The following CDKAL1 variants were observed in gnomAD, a reference collection of about 807,000 sequenced individuals.
CDKAL1 encodes CDKAL1 threonylcarbamoyladenosine tRNA methylthiotransferase.
Under a neutral mutation model 68.2 loss-of-function variants are expected in CDKAL1, and 32 were observed. That is an observed-to-expected ratio of 0.47 (90% CI 0.35 to 0.63). The LOEUF is 0.63. Ranked by LOEUF, CDKAL1 falls within the 30% of genes least tolerant of loss-of-function variation. CDKAL1 has a pLI of 0.00. For synonymous variants in CDKAL1, 234 were observed against 244.3 expected (o/e 0.96, Z 0.39); for missense variants, 606 against 696.7 (o/e 0.87, Z 1.47).
In CDKAL1 at chr6:21,232,003, G is replaced by GTTTTGTTTTTT. The variant is rs1779993397; in HGVS notation, c.*968_*969insGTTTTTTTTTT. 3 of 76,102 alleles carry GTTTTGTTTTTT rather than the reference G, an allele frequency of 3.9e-5. No homozygotes were observed. Among genetic ancestry groups the GTTTTGTTTTTT allele is most frequent in the Non-Finnish European group, 9.4e-5 (3 of 31,902 alleles). 4.7% of individuals were successfully genotyped at this position (76,102 alleles called of 1,614,324 possible). On this transcript the variant is annotated 3_prime_UTR_variant, in exon 16 of 16. Coordinates refer to ENST00000274695, the MANE Select transcript of CDKAL1 (RefSeq NM_017774.3). ...TTTGATCCATTGGGGTTTTTTTTTT[G>GTTTTGTTTTTT]TTTTTGTTTTTTTTTTTTTTTGAGT... is the stretch of plus-strand genomic sequence containing the variant.
chr6:20,760,280 C>T (rs1774406806), intron 7 of CDKAL1, among the ~76,000 whole-genome samples: 1 of 152,050 alleles, frequency 6.6e-6, no homozygotes, highest in South Asian at 2.1e-4. Flanking sequence ...ATGCTTGGCC[C>T]TTAATCTTCT....
intron 13 of CDKAL1, among the ~76,000 whole-genome samples, chr6:21,127,380 T>C (rs1375387463): frequency 6.6e-6 from 1 of 152,224 alleles, no homozygotes; most frequent in Non-Finnish European, 1.5e-5. Flanking sequence ...ATTGTTTGAT[T>C]GAACCATGTT....
chr6:20,550,878 T>C (rs1359220260), intron 4 of CDKAL1, among the ~76,000 whole-genome samples: 1 of 142,374 alleles, frequency 7.0e-6, no homozygotes, highest in African/African-American at 2.6e-5. Context: ...TTTTTTTTTT[T>C]TTTTTTGAGA....
At chr6:20,975,972 G>A (rs1227909727) in intron 10 of CDKAL1, among the ~76,000 whole-genome samples, 1 of 152,022 alleles carries the variant, frequency 6.6e-6, no homozygotes, top group Non-Finnish European at 1.5e-5. Context: ...CGTACCCACC[G>A]TTATAGTATC....
intron 5 of CDKAL1, among the ~76,000 whole-genome samples, chr6:20,723,158 A>G (rs1266721885): frequency 1.3e-5 from 2 of 151,926 alleles, no homozygotes; most frequent in East Asian, 3.9e-4. Flanking sequence ...CTGTTAACCC[A>G]CCACTGTCCG....
intron 8 of CDKAL1, among the ~76,000 whole-genome samples, chr6:20,817,417 G>T (rs898380684): frequency 1.1e-4 from 16 of 152,062 alleles, no homozygotes; most frequent in Non-Finnish European, 1.8e-4. Context: ...GCCAATAAAA[G>T]TTCTTTATTT....
chr6:20,584,785 C>A (rs943495840), intron 4 of CDKAL1, among the ~76,000 whole-genome samples: 5 of 152,300 alleles, frequency 3.3e-5, no homozygotes, highest in Admixed American at 1.3e-4. Context: ...GTTATTTAGA[C>A]CTGCCGGATG....
intron 9 of CDKAL1, among the ~76,000 whole-genome samples, chr6:20,950,169 CTA>C (rs1561909482): frequency 6.6e-6 from 1 of 152,104 alleles, no homozygotes; most frequent in Non-Finnish European, 1.5e-5. Context: ...GTGGCCGGAG[CTA>C]TAGTGACTTC....
intron 4 of CDKAL1, among the ~76,000 whole-genome samples, chr6:20,574,476 C>G (rs904921874): frequency 1.3e-5 from 2 of 152,106 alleles, no homozygotes; most frequent in African/African-American, 2.4e-5. Flanking sequence ...ACTGTGATAT[C>G]CACTCCTTGG....
chr6:21,029,014 A>C (rs563475709), intron 11 of CDKAL1, among the ~76,000 whole-genome samples: 5 of 151,998 alleles, frequency 3.3e-5, no homozygotes, highest in Non-Finnish European at 7.4e-5. Context: ...CCTTACATCA[A>C]ACATCTAACT....
intron 5 of CDKAL1, among the ~76,000 whole-genome samples, chr6:20,674,447 T>A (rs965174507): frequency 6.6e-6 from 1 of 152,206 alleles, no homozygotes; most frequent in African/African-American, 2.4e-5. Flanking sequence ...TTTTTCTTTT[T>A]AAAAAATGGA....
intron 8 of CDKAL1, among the ~76,000 whole-genome samples, chr6:20,797,013 A>G (rs1225305653): frequency 6.6e-6 from 1 of 152,216 alleles, no homozygotes; most frequent in Non-Finnish European, 1.5e-5. Flanking sequence ...TATGATCTAT[A>G]AAAGGATAAA....
At chr6:21,124,805 T>C (rs1232060931) in intron 13 of CDKAL1, among the ~76,000 whole-genome samples, 1 of 152,026 alleles carries the variant, frequency 6.6e-6, no homozygotes, top group Non-Finnish European at 1.5e-5. Flanking sequence ...ATTCTCTCAC[T>C]GCTTTGATGG....
intron 12 of CDKAL1, among the ~76,000 whole-genome samples, chr6:21,078,294 G>T (rs909505997): frequency 6.6e-6 from 1 of 152,162 alleles, no homozygotes; most frequent in Non-Finnish European, 1.5e-5. Context: ...AGGGTTTGCT[G>T]TATCACTAGG....
chr6:21,109,033 C>G (rs977976174), intron 13 of CDKAL1, among the ~76,000 whole-genome samples: 1 of 152,172 alleles, frequency 6.6e-6, no homozygotes, highest in South Asian at 2.1e-4. Flanking sequence ...CTACCTTCTC[C>G]ATCCCTCATG....
At chr6:21,190,080 A>G (rs1283542974) in intron 13 of CDKAL1, among the ~76,000 whole-genome samples, 1 of 152,160 alleles carries the variant, frequency 6.6e-6, no homozygotes, top group African/African-American at 2.4e-5. Flanking sequence ...ATATTATTTC[A>G]GAGTTGAAGG....
At chr6:20,871,664 T>G (rs557941182) in intron 9 of CDKAL1, among the ~76,000 whole-genome samples, 2 of 152,160 alleles carry the variant, frequency 1.3e-5, no homozygotes, top group Non-Finnish European at 2.9e-5. Flanking sequence ...TCTTGGCCCT[T>G]GACCAAGACC....
At chr6:20,716,473 G>A (rs920458251) in intron 5 of CDKAL1, among the ~76,000 whole-genome samples, 3 of 152,126 alleles carry the variant, frequency 2.0e-5, no homozygotes, top group African/African-American at 2.4e-5. Context: ...TGCCAGTGGA[G>A]ATGAGAAGGG....
At chr6:20,784,462 C>T (rs1160597743) in intron 8 of CDKAL1, among the ~76,000 whole-genome samples, 1 of 84,216 alleles carries the variant, frequency 1.2e-5, no homozygotes, top group Non-Finnish European at 2.2e-5. Flanking sequence ...CTCACTCTGT[C>T]ACCCAGGCTG....
Sources: allele counts gnomAD v4.1 joint callset (sites outside exome capture counted in the v4.1 genomes callset), GRCh38; gene constraint gnomAD v4.1.1; transcripts MANE v1.5; gene names NCBI Gene and HGNC (gene_info 2026-07-23, HGNC 2026-07-21).